MAD1L1: variants seen among roughly 807,000 people sequenced by gnomAD.
MAD1L1 encodes the protein mitotic spindle assembly checkpoint protein MAD1.
Under a neutral mutation model 96.9 loss-of-function variants are expected in MAD1L1, and 95 were observed. The ratio of observed to expected loss-of-function variants is 0.98; its 90% CI spans 0.83 to 1.16. MAD1L1 has a LOEUF of 1.16. Ranked by LOEUF, MAD1L1 falls within the 50% of genes most tolerant of loss-of-function variation. The probability of loss-of-function intolerance (pLI) is 0.00; values close to 1 mark genes in which losing one functional copy is unlikely to be tolerated. For missense variants in MAD1L1, 1,007 were observed against 954.4 expected, an observed-to-expected ratio of 1.06 and a Z score of -0.73; for synonymous variants, 473 against 396.6, an observed-to-expected ratio of 1.19 and a Z score of -2.29.
At chr7:1,929,315 C>T (rs532126077) in intron 17 of MAD1L1, among the ~76,000 whole-genome samples, 2 of 152,294 alleles carry the variant, frequency 1.3e-5, no homozygotes, top group South Asian at 4.1e-4. Flanking sequence ...AATTTGATCA[C>T]CTTCAATGTG....
intron 12 of MAD1L1, among the ~76,000 whole-genome samples, chr7:2,052,807 C>G (rs1361379256): frequency 1.3e-5 from 2 of 152,130 alleles, no homozygotes; most frequent in African/African-American, 4.8e-5. Context: ...CTGCCCGGAA[C>G]AGACAGAGGA....
chr7:2,064,567 A>C (rs186087410), intron 12 of MAD1L1, among the ~76,000 whole-genome samples: 3 of 151,108 alleles, frequency 2.0e-5, no homozygotes, highest in African/African-American at 4.9e-5. Context: ...AGGACAGAGG[A>C]TTCTCCTAGG....
chr7:1,824,940 A>G (rs1782313786), intron 18 of MAD1L1, among the ~76,000 whole-genome samples: 2 of 151,658 alleles, frequency 1.3e-5, no homozygotes, highest in Non-Finnish European at 2.9e-5. Flanking sequence ...AAACCCTTCA[A>G]GTTCACACTG....
At chr7:2,183,748 G>A (rs907014344) in intron 10 of MAD1L1, among the ~76,000 whole-genome samples, 28 of 151,808 alleles carry the variant, frequency 1.8e-4, no homozygotes, top group African/African-American at 6.5e-4. Context: ...ACCGGGGACT[G>A]TCGTGGGGTG....
chr7:2,199,792 C>T (rs944034659), intron 10 of MAD1L1, among the ~76,000 whole-genome samples: 1 of 152,216 alleles, frequency 6.6e-6, no homozygotes. Flanking sequence ...CCAGACTCCG[C>T]GGTAAGGCCA....
At chr7:1,945,556 G>T (rs1202217806) in intron 16 of MAD1L1, among the ~76,000 whole-genome samples, 5 of 152,234 alleles carry the variant, frequency 3.3e-5, no homozygotes, top group Non-Finnish European at 7.3e-5. Context: ...GGGTGTGGGA[G>T]AGGTGCTGCT....
intron 11 of MAD1L1, among the ~76,000 whole-genome samples, chr7:2,116,373 G>A (rs1441148577): frequency 1.3e-5 from 2 of 152,226 alleles, no homozygotes; most frequent in Non-Finnish European, 2.9e-5. Flanking sequence ...TTGAACAAAC[G>A]CTTCCTGAAC....
At chr7:1,831,094 A>G (rs111337159) in intron 18 of MAD1L1, among the ~76,000 whole-genome samples, 2,120 of 152,362 alleles carry the variant, frequency 0.014, 5 homozygotes, top group Non-Finnish European at 0.024. Flanking sequence ...ACATGAGCAC[A>G]CCTCGCTTCA....
At chr7:1,887,269 G>A (rs942739394) in intron 18 of MAD1L1, among the ~76,000 whole-genome samples, 7 of 152,180 alleles carry the variant, frequency 4.6e-5, no homozygotes, top group Non-Finnish European at 8.8e-5. Flanking sequence ...GGGCATGTGT[G>A]CATGCATGTG....
Position 2,103,345 on chromosome 7 carries a change from C to T in MAD1L1, c.1074-34007G>A, listed in dbSNP as rs1279706991. Among the ~76,000 whole-genome samples the T allele has an allele frequency of 6.6e-6, 1 of 152,144 alleles. No homozygotes were observed. ...TCCTGCACTCAGTGAAGGCCTGGGCCTGCCTGCCCCGCCGCTCAGTAGACG... is the reference window on the plus strand; with the variant it reads ...TCCTGCACTCAGTGAAGGCCTGGGCTTGCCTGCCCCGCCGCTCAGTAGACG... On this transcript the variant is annotated intron_variant, in intron 11 of 18. Transcript: ENST00000265854. This position sits in a 1 kb window ranked among gnomAD's most constrained non-coding sequence, Gnocchi z 4.3.
chr7:2,121,180 C>A (rs1787960263), intron 11 of MAD1L1, among the ~76,000 whole-genome samples: 1 of 152,252 alleles, frequency 6.6e-6, no homozygotes, highest in African/African-American at 2.4e-5. Flanking sequence ...CCGCCTGAGG[C>A]CTCACGATCT....
intron 11 of MAD1L1, among the ~76,000 whole-genome samples, chr7:2,126,365 G>A (rs1029070205): frequency 6.6e-6 from 1 of 152,106 alleles, no homozygotes; most frequent in Non-Finnish European, 1.5e-5. Context: ...ACAGGCACTC[G>A]GGCATGCACA....
chr7:1,822,570 G>C (rs180995313), intron 18 of MAD1L1, among the ~76,000 whole-genome samples: 125 of 151,612 alleles, frequency 8.2e-4, no homozygotes, highest in African/African-American at 2.8e-3. Context: ...TGTAACTACA[G>C]GTGCGCACCA....
At chr7:2,001,953 G>A (rs1369801966) in intron 14 of MAD1L1, 112 bp downstream of exon 14, 5 of 1,096,040 alleles carry the variant, frequency 4.6e-6, no homozygotes, top group East Asian at 2.4e-5. Context: ...GACGACAGAA[G>A]AGGCAGCCAT....
chr7:2,125,387 T>A (rs1415420269), intron 11 of MAD1L1, among the ~76,000 whole-genome samples: 1 of 152,166 alleles, frequency 6.6e-6, no homozygotes, highest in Non-Finnish European at 1.5e-5. Flanking sequence ...TTCCTCCTCA[T>A]GCTGGCCCCA....
intron 18 of MAD1L1, among the ~76,000 whole-genome samples, chr7:1,862,149 C>T (rs1784564272): frequency 6.6e-6 from 1 of 152,196 alleles, no homozygotes; most frequent in Non-Finnish European, 1.5e-5. Flanking sequence ...TGGGGCGTCC[C>T]CAAGAGCGGC....
intron 11 of MAD1L1, among the ~76,000 whole-genome samples, chr7:2,091,207 T>A (rs1442785857): frequency 6.6e-6 from 1 of 152,206 alleles, no homozygotes; most frequent in Non-Finnish European, 1.5e-5. Context: ...GTGTATTTCC[T>A]ACCCCAGTCC....
At chr7:2,149,273 G>A in intron 10 of MAD1L1, 35 bp from the exon 11 acceptor site, 1 of 1,553,170 alleles carries the variant, frequency 6.4e-7, no homozygotes, top group Non-Finnish European at 8.9e-7. Context: ...AGTTCCAGCT[G>A]TCCCCGAGAA....
At chr7:1,940,194 G>C (rs918631176) in intron 16 of MAD1L1, 1 of 152,214 alleles carries the variant, frequency 6.6e-6, no homozygotes, top group African/African-American at 2.4e-5. Context: ...TGCTTCTCCT[G>C]GGAAGGAGGA....
Sources: gnomAD v4.1 joint callset for allele counts (sites outside exome capture counted in the v4.1 genomes callset) on GRCh38, gnomAD v4.1.1 for gene constraint, Gnocchi (gnomAD v3.1) non-coding constraint, MANE v1.5 for transcripts, NCBI Gene and HGNC (gene_info 2026-07-23, HGNC 2026-07-21) for gene names.